GPHN: variants seen among roughly 807,000 people sequenced by gnomAD.
GPHN encodes gephyrin.
Under a neutral mutation model 95.5 loss-of-function variants are expected in GPHN, and 17 were observed. The ratio of observed to expected loss-of-function variants is 0.18; its 90% CI spans 0.12 to 0.27. The LOEUF is 0.27. GPHN is among the 10% of genes least tolerant of loss of function. The probability of loss-of-function intolerance (pLI) is 1.00; values close to 1 mark genes in which losing one functional copy is unlikely to be tolerated. For missense variants in GPHN, 660 were observed against 978.1 expected (o/e 0.67, Z 4.34); for synonymous variants, 320 against 322.5 (o/e 0.99, Z 0.08).
At chr14:67,266,116 C>A in the GPHN span, among the ~76,000 whole-genome samples, 1 of 152,016 alleles carries the variant, frequency 6.6e-6, no homozygotes, top group South Asian at 2.1e-4. Context: ...GTAAAAACTT[C>A]TTTTATATTG....
At chr14:67,182,969 C>T (rs998463230), downstream of GPHN, among the ~76,000 whole-genome samples, 16 of 151,304 alleles carry the variant, frequency 1.1e-4, no homozygotes, top group South Asian at 1.0e-3. Flanking sequence ...CATCAGACTC[C>T]GAAAGTGCTG....
At chr14:66,955,952 TC>T (rs1279924765) in intron 8 of GPHN, among the ~76,000 whole-genome samples, 1 of 152,054 alleles carries the variant, frequency 6.6e-6, no homozygotes, top group African/African-American at 2.4e-5. Flanking sequence ...ATCCAGTCTA[TC>T]ATTGATGGAC....
At chr14:67,096,554 T>G (rs2077402967) in intron 12 of GPHN, among the ~76,000 whole-genome samples, 1 of 152,116 alleles carries the variant, frequency 6.6e-6, no homozygotes, top group Non-Finnish European at 1.5e-5. Context: ...AGCGATGACT[T>G]AGGCACTATG....
At chr14:67,372,530 C>G in the GPHN span, among the ~76,000 whole-genome samples, 32 of 152,100 alleles carry the variant, frequency 2.1e-4, no homozygotes, top group African/African-American at 7.2e-4. Context: ...CTTGAACAAC[C>G]TAAAAAATCC....
intron 5 of GPHN, among the ~76,000 whole-genome samples, chr14:66,915,247 A>G (rs2065848213): frequency 6.6e-6 from 1 of 152,162 alleles, no homozygotes; most frequent in African/African-American, 2.4e-5. Context: ...AATTTTAAAA[A>G]TAGCATAATC....
chr14:67,564,063 G>A, the GPHN span, among the ~76,000 whole-genome samples: 1 of 151,728 alleles, frequency 6.6e-6, no homozygotes, highest in Admixed American at 6.6e-5. Flanking sequence ...CACCACGCCC[G>A]GCCAATTTTT....
the GPHN span, among the ~76,000 whole-genome samples, chr14:67,405,052 G>A: frequency 2.0e-5 from 3 of 151,406 alleles, no homozygotes; most frequent in African/African-American, 4.9e-5. Context: ...TGGCCAACAT[G>A]GCGAAACCCC....
the GPHN span, among the ~76,000 whole-genome samples, chr14:67,260,793 T>C: frequency 3.9e-5 from 6 of 152,168 alleles, no homozygotes; most frequent in African/African-American, 1.4e-4. Context: ...TAAACTTCCT[T>C]TGGGAATGTG....
At chr14:67,560,137 G>A in the GPHN span, among the ~76,000 whole-genome samples, 5 of 152,056 alleles carry the variant, frequency 3.3e-5, no homozygotes, top group South Asian at 4.2e-4. Flanking sequence ...ACCGATTCTC[G>A]TGCCTCAGCC....
At chr14:66,595,461 G>A (rs2061933586) in intron 1 of GPHN, among the ~76,000 whole-genome samples, 1 of 152,140 alleles carries the variant, frequency 6.6e-6, no homozygotes, top group Non-Finnish European at 1.5e-5. Context: ...ACTCTGCCTG[G>A]CAGGATACAC....
At chr14:67,688,732 G>T in the GPHN span, among the ~76,000 whole-genome samples, 1 of 151,922 alleles carries the variant, frequency 6.6e-6, no homozygotes, top group African/African-American at 2.4e-5. Flanking sequence ...CACTGTGCCT[G>T]ACCTTATTTG....
chr14:67,700,186 A>T, the GPHN span, among the ~76,000 whole-genome samples: 2 of 152,170 alleles, frequency 1.3e-5, no homozygotes, highest in East Asian at 3.9e-4. Flanking sequence ...GTCCAGAGTT[A>T]TGAGTGTACA....
the GPHN span, among the ~76,000 whole-genome samples, chr14:67,662,173 C>CA: frequency 9.0e-4 from 126 of 140,124 alleles, no homozygotes; most frequent in Middle Eastern, 3.6e-3. Flanking sequence ...ACAACAACAA[C>CA]AACAACAAAA....
At chr14:66,683,222 C>A (rs1291345684) in intron 2 of GPHN, among the ~76,000 whole-genome samples, 1 of 148,094 alleles carries the variant, frequency 6.8e-6, no homozygotes, top group East Asian at 2.0e-4. Context: ...GGAATTTTTT[C>A]TTTATTAAGA....
At chr14:67,546,890 C>G in the GPHN span, among the ~76,000 whole-genome samples, 1 of 152,208 alleles carries the variant, frequency 6.6e-6, no homozygotes, top group African/African-American at 2.4e-5. Flanking sequence ...TTTTTCTCTA[C>G]ATGTTTCTGT....
chr14:67,630,344 T>C, the GPHN span, among the ~76,000 whole-genome samples: 7 of 152,214 alleles, frequency 4.6e-5, no homozygotes, highest in Non-Finnish European at 8.8e-5. Context: ...TCTCTTCCTT[T>C]AAGTTCAGAC....
intron 5 of GPHN, among the ~76,000 whole-genome samples, chr14:66,896,031 C>T (rs61989630): frequency 0.16 from 24,546 of 151,934 alleles, 2,283 homozygotes; most frequent in Non-Finnish European, 0.21. Flanking sequence ...CAAAGATGGC[C>T]CTTTCTTGCT....
intron 2 of GPHN, among the ~76,000 whole-genome samples, chr14:66,725,489 TTTTG>T (rs2071144965): frequency 6.6e-6 from 1 of 152,126 alleles, no homozygotes; most frequent in African/African-American, 2.4e-5. Flanking sequence ...TGTTTGTTTG[TTTTG>T]TTTGTTTTTT....
At chr14:66,547,545 G>C (rs2059646861) in intron 1 of GPHN, among the ~76,000 whole-genome samples, 1 of 152,130 alleles carries the variant, frequency 6.6e-6, no homozygotes, top group Admixed American at 6.5e-5. Context: ...AAAAAGTATA[G>C]CCCTTTAGGT....
Sources: allele counts gnomAD v4.1 joint callset (sites outside exome capture counted in the v4.1 genomes callset), GRCh38; gene constraint gnomAD v4.1.1; transcripts MANE v1.5; gene names NCBI Gene and HGNC (gene_info 2026-07-23, HGNC 2026-07-21).